PDGFC: variants seen among roughly 807,000 people sequenced by gnomAD.
PDGFC encodes platelet-derived growth factor C.
Under a neutral mutation model 35.5 loss-of-function variants are expected in PDGFC, and 12 were observed. The observed-to-expected ratio is 0.34, with a 90% confidence interval of 0.22 to 0.55. PDGFC has a LOEUF of 0.55. Among genes scored for constraint, PDGFC ranks in the 20% least tolerant of loss-of-function variants. The probability of loss-of-function intolerance (pLI) is 0.91; values close to 1 mark genes in which losing one functional copy is unlikely to be tolerated. For missense variants in PDGFC, 322 were observed against 412.4 expected (o/e 0.78, Z 1.90); for synonymous variants, 159 against 148.8 (o/e 1.07, Z -0.50).
In PDGFC at chr4:156,810,975, T is replaced by A; in HGVS notation, c.357A>T (p.Ile119=). 1 of 1,598,730 alleles carries A rather than the reference T, an allele frequency of 6.3e-7. No individual in the cohort carries two copies. Residue 119 remains isoleucine, a synonymous_variant, in exon 3 of 6, where the codon ATA becomes ATT. Transcript: ENST00000502773. ...TACCAGAACCACACCAGCGCCCTAATATAGTTCCATCACTGGGTTCCTCAA... is the reference window on the plus strand; with the variant it reads ...TACCAGAACCACACCAGCGCCCTAAAATAGTTCCATCACTGGGTTCCTCAA... ...VEVEEPSDGT[I]LGRWCGSGTV...
At chr4:156,779,004 C>A in intron 3 of PDGFC, 1 of 330,970 alleles carries the variant, frequency 3.0e-6, no homozygotes, top group Non-Finnish European at 6.1e-6. Flanking sequence ...AATAAATGTC[C>A]AGCCTTGGGT....
rs566311067 is a variant in PDGFC, at chr4:156,791,504, T to TA, written c.496-18612dup. Among the ~76,000 whole-genome samples, 643 of 145,350 alleles carry TA rather than the reference T, an allele frequency of 4.4e-3. 2 individuals are homozygous for TA. The highest frequency in any genetic ancestry group is 0.02 in the South Asian group (90 of 4,606). ...TAGTAACAACAGCTTTAGGACAGTT[T>TA]AAAAAAAAAAAGAGGAAATAATGTA... On this transcript the variant is annotated intron_variant, in intron 3 of 5. Transcript: ENST00000502773.
intron 1 of PDGFC, among the ~76,000 whole-genome samples, chr4:156,929,770 T>C (rs556858207): frequency 1.3e-5 from 2 of 152,340 alleles, no homozygotes; most frequent in East Asian, 3.9e-4. Context: ...TAGTGACTTA[T>C]GGATATTAGA....
At chr4:156,808,254 T>C (rs920428675) in intron 3 of PDGFC, among the ~76,000 whole-genome samples, 1 of 152,054 alleles carries the variant, frequency 6.6e-6, no homozygotes. Context: ...GCAGCTACAA[T>C]GTGAATGGCA....
chr4:156,815,363 CACA>C (rs1560823293), intron 2 of PDGFC, among the ~76,000 whole-genome samples: 7 of 146,234 alleles, frequency 4.8e-5, no homozygotes, highest in East Asian at 4.0e-4. Flanking sequence ...CACACACACA[CACA>C]CCCCGTTGTC....
intron 1 of PDGFC, among the ~76,000 whole-genome samples, chr4:156,931,352 T>G (rs1731545590): frequency 6.6e-6 from 1 of 152,194 alleles, no homozygotes; most frequent in Admixed American, 6.5e-5. Flanking sequence ...GAGTATTATA[T>G]TTCTACTGGG....
intron 1 of PDGFC, among the ~76,000 whole-genome samples, chr4:156,933,641 T>A (rs1386191145): frequency 6.6e-6 from 1 of 152,192 alleles, no homozygotes; most frequent in East Asian, 1.9e-4. Context: ...TTGATATGGT[T>A]TGGCTCTGTG....
chr4:156,773,235 A>G (rs1410993282), intron 3 of PDGFC, among the ~76,000 whole-genome samples: 2 of 152,192 alleles, frequency 1.3e-5, no homozygotes, highest in Non-Finnish European at 2.9e-5. Context: ...TTTCTTTTCC[A>G]CTTTTCATTT....
chr4:156,908,103 T>G (rs898616822), intron 1 of PDGFC, among the ~76,000 whole-genome samples: 1 of 152,004 alleles, frequency 6.6e-6, no homozygotes, highest in African/African-American at 2.4e-5. Context: ...GAAGCGGAGG[T>G]TGCAGTGAGC....
At chr4:156,850,648 T>C (rs1729431391) in intron 1 of PDGFC, among the ~76,000 whole-genome samples, 1 of 152,110 alleles carries the variant, frequency 6.6e-6, no homozygotes, top group Non-Finnish European at 1.5e-5. Flanking sequence ...AATTACTCTT[T>C]TAAGGAATTT....
chr4:156,881,784 C>G (rs957072784), intron 1 of PDGFC, among the ~76,000 whole-genome samples: 1 of 149,584 alleles, frequency 6.7e-6, no homozygotes, highest in South Asian at 2.1e-4. Flanking sequence ...GAGCCAAGAT[C>G]GCACCACTGC....
intron 3 of PDGFC, among the ~76,000 whole-genome samples, chr4:156,796,699 T>C (rs932095906): frequency 6.6e-5 from 10 of 151,990 alleles, no homozygotes; most frequent in African/African-American, 2.4e-4. Context: ...TTAGGCAAAA[T>C]GGTGATGATT....
chr4:156,870,644 A>T (rs1729958967), intron 1 of PDGFC, among the ~76,000 whole-genome samples: 1 of 151,820 alleles, frequency 6.6e-6, no homozygotes, highest in African/African-American at 2.4e-5. Context: ...ATCCAAATTT[A>T]TTTAATACGA....
chr4:156,850,810 T>C (rs1052877201), intron 1 of PDGFC, among the ~76,000 whole-genome samples: 1 of 128,348 alleles, frequency 7.8e-6, no homozygotes, highest in South Asian at 3.1e-4. Flanking sequence ...ATACAAATAA[T>C]GATTTTAATT....
rs549895885 is a variant in PDGFC at position 156,815,557 on chromosome 4, T to C, written c.315-4540A>G. On this transcript the variant is annotated intron_variant, in intron 2 of 5. Coordinates refer to ENST00000502773, the MANE Select transcript of PDGFC (RefSeq NM_016205.3). ...GTTGGTTGGCTGATATATGCTAACATAGCCCAAACATCAAGAAGAGAATGA... is the reference window on the plus strand; with the variant it reads ...GTTGGTTGGCTGATATATGCTAACACAGCCCAAACATCAAGAAGAGAATGA... Among the ~76,000 whole-genome samples the C allele has an allele frequency of 2.6e-5, 4 of 152,226 alleles. No individual in the cohort carries two copies. The East Asian group carries it at 7.7e-4, about 29-fold the overall frequency.
intron 1 of PDGFC, among the ~76,000 whole-genome samples, chr4:156,892,856 G>A (rs958938795): frequency 1.3e-5 from 2 of 152,146 alleles, no homozygotes; most frequent in Non-Finnish European, 2.9e-5. Flanking sequence ...TACGTCAAAC[G>A]TCCAAGGCAA....
intron 1 of PDGFC, among the ~76,000 whole-genome samples, chr4:156,899,928 G>A (rs1003329999): frequency 6.6e-6 from 1 of 152,080 alleles, no homozygotes; most frequent in Non-Finnish European, 1.5e-5. Context: ...GCAGAACCAG[G>A]CATAGCTGAG....
At chr4:156,851,930 C>CAAAAAACA (rs1729465265) in intron 1 of PDGFC, among the ~76,000 whole-genome samples, 1 of 47,888 alleles carries the variant, frequency 2.1e-5, no homozygotes, top group Non-Finnish European at 4.6e-5. Context: ...GACTCCATCT[C>CAAAAAACA]AAAAAAAAAA....
intron 1 of PDGFC, among the ~76,000 whole-genome samples, chr4:156,900,668 T>A (rs546055221): frequency 2.8e-4 from 43 of 151,960 alleles, no homozygotes; most frequent in Middle Eastern, 3.4e-3. Context: ...TGGCAAAACA[T>A]CATCTCTACA....
Sources: allele counts gnomAD v4.1 joint callset (sites outside exome capture counted in the v4.1 genomes callset), GRCh38; gene constraint gnomAD v4.1.1; transcripts MANE v1.5; gene names NCBI Gene and HGNC (gene_info 2026-07-23, HGNC 2026-07-21).